RAPGEF5: variants seen among roughly 807,000 people sequenced by gnomAD.
RAPGEF5 encodes the protein Rap guanine nucleotide exchange factor 5, also known as M-Ras-regulated GEF.
RAPGEF5 carries 65 observed loss-of-function variants against 125.2 expected under a neutral mutation model. The observed-to-expected ratio is 0.52, with a 90% CI of 0.43 to 0.64. The LOEUF is 0.64. RAPGEF5 is among the 30% of genes least tolerant of loss of function. The pLI is 0.00. For synonymous variants in RAPGEF5, 391 were observed against 385.9 expected (o/e 1.01, Z -0.16); for missense variants, 958 against 1,048.1 (o/e 0.91, Z 1.19).
chr7:22,193,714 C>T (rs199550982), intron 10 of RAPGEF5: 3 of 1,553,138 alleles, frequency 1.9e-6, no homozygotes, highest in Non-Finnish European at 2.6e-6. Context: ...ATCTTGCCAT[C>T]CCTGTCCTTT....
chr7:22,350,332 C>T (rs1462375543), intron 1 of RAPGEF5, among the ~76,000 whole-genome samples: 1 of 152,210 alleles, frequency 6.6e-6, no homozygotes, highest in African/African-American at 2.4e-5. Context: ...AAAATACTCA[C>T]TATATGTTGG....
chr7:22,145,063 A>C lies in RAPGEF5; in HGVS notation c.2167T>G (p.Phe723Val). ...LGKRVQLVKK[F>V]IKIAAHCKAQ... ...ACTTACTGAGCCGCAATTTTGATGA[A>C]TTTTTTCACCAGCTGCACTCGCTTG... is the stretch of plus-strand genomic sequence containing the variant. The change falls in exon 20 of 26, where the codon TTC (phenylalanine) becomes GTC (valine). Residue 723 changes from phenylalanine to valine, a missense_variant. Physicochemically the swap from Phe to Val is conservative, Grantham distance 50 (BLOSUM62 -1). Coordinates refer to ENST00000665637, the MANE Select transcript of RAPGEF5 (RefSeq NM_012294.5). 6.2e-7 allele frequency: 1 copy of C among 1,613,164 alleles called. No individual in the cohort carries two copies. Among genetic ancestry groups the C allele is most frequent in the Non-Finnish European group, 8.5e-7 (1 of 1,179,418 alleles).
chr7:22,327,901 C>T (rs1204167962), intron 1 of RAPGEF5, among the ~76,000 whole-genome samples: 1 of 152,158 alleles, frequency 6.6e-6, no homozygotes, highest in Non-Finnish European at 1.5e-5. Context: ...AACAAGTTCC[C>T]AAAGGATCAA....
Position 22,162,503 on chromosome 7 carries a change from G to C in RAPGEF5, c.1322C>G (p.Ser441Ter). 6.2e-7 allele frequency: 1 copy of C among 1,609,736 alleles called. No individual in the cohort carries two copies. The highest frequency in any genetic ancestry group is 8.5e-7 in the Non-Finnish European group (1 of 1,176,172). The change falls in exon 13 of 26, where the codon TCA becomes TGA. Residue 441 changes from serine (S) to a stop codon, truncating the protein, a stop_gained. Transcript: ENST00000665637. LOFTEE classifies it high-confidence loss of function. Reference protein sequence around the residue: ...AKKYQGKEENSDVPRRKRKVL... With the variant: ...AKKYQGKEEN ...TTTACGTTTCCTACGCGGAACGTCT[G>C]AGTTTTCCTCTTTGCCTTGATACTT... is the stretch of plus-strand genomic sequence containing the variant.
chr7:22,242,253 A>G (rs192616233), intron 7 of RAPGEF5, among the ~76,000 whole-genome samples: 1 of 152,320 alleles, frequency 6.6e-6, no homozygotes, highest in East Asian at 1.9e-4. Context: ...GCACCTCTGG[A>G]AGTCAGCAGA....
chr7:22,350,091 C>T (rs4722130), intron 1 of RAPGEF5, among the ~76,000 whole-genome samples: 30,337 of 152,076 alleles, frequency 0.2, 3,141 homozygotes, highest in Admixed American at 0.24. Context: ...AAAAGTACTT[C>T]CAGATCATAT....
Position 22,193,601 on chromosome 7 carries a change from C to A in RAPGEF5, c.1116-146G>T, listed in dbSNP as rs1455046754. The A allele has an allele frequency of 1.9e-6, 3 of 1,550,950 alleles. No homozygotes were observed. In the African/African-American group the frequency reaches 4.1e-5, roughly 21 times the overall value. On this transcript the variant is annotated intron_variant, in intron 10 of 25. Transcript: ENST00000665637. Reference sequence around the variant, plus strand: ...AAGGGCAGCTCTCGGTCTGAGAGCGCCGCGGCGGAATCTTTCCTCTCCAAA... The same window carrying A: ...AAGGGCAGCTCTCGGTCTGAGAGCGACGCGGCGGAATCTTTCCTCTCCAAA...
At chr7:22,313,230 A>G (rs117887992) in intron 3 of RAPGEF5, among the ~76,000 whole-genome samples, 129 of 152,362 alleles carry the variant, frequency 8.5e-4, no homozygotes, top group Admixed American at 2.2e-3. Context: ...ATTCATAGTA[A>G]TGCTACAATA....
chr7:22,306,422 G>T (rs926814591), intron 5 of RAPGEF5, among the ~76,000 whole-genome samples: 1 of 152,054 alleles, frequency 6.6e-6, no homozygotes, highest in Non-Finnish European at 1.5e-5. Flanking sequence ...TGAATCATTA[G>T]ATTTTTTCCT....
At chr7:22,230,448 T>C (rs1174009897) in intron 8 of RAPGEF5, among the ~76,000 whole-genome samples, 5 of 152,168 alleles carry the variant, frequency 3.3e-5, no homozygotes, top group African/African-American at 4.8e-5. Context: ...TATGGTGCAA[T>C]AGTATTTGGA....
In RAPGEF5 at chr7:22,339,487, TTATTGCAGCAAAAGCTGCAATAAC is replaced by T. The variant is rs562051163; in HGVS notation, c.231+17319_231+17342del. ...CTACGAAGTTTTTGTTGGGGTTTTG[TTATTGCAGCAAAAGCTGCAATAAC>T]CATCCTGATGGACACATTAGAGTAA... On this transcript the variant is annotated intron_variant, in intron 1 of 25. Coordinates refer to ENST00000665637, the MANE Select transcript of RAPGEF5 (RefSeq NM_012294.5). Among the ~76,000 whole-genome samples the T allele has an allele frequency of 2.4e-4, 37 of 152,332 alleles. 3 individuals are homozygous for T. In the South Asian group the frequency reaches 7.2e-3, roughly 30 times the overall value.
intron 12 of RAPGEF5, among the ~76,000 whole-genome samples, chr7:22,165,997 T>C (rs1583436243): frequency 6.7e-6 from 1 of 149,216 alleles, no homozygotes; most frequent in South Asian, 2.1e-4. Context: ...GGTATGCCTA[T>C]ATATATATAC....
chr7:22,287,838 T>G (rs901997255), intron 6 of RAPGEF5, among the ~76,000 whole-genome samples: 6 of 152,212 alleles, frequency 3.9e-5, no homozygotes, highest in African/African-American at 1.4e-4. Context: ...ATTTTAGAAC[T>G]TGAAGGAACT....
intron 11 of RAPGEF5, among the ~76,000 whole-genome samples, chr7:22,179,161 AT>A (rs1324939075): frequency 6.6e-6 from 1 of 152,204 alleles, no homozygotes; most frequent in Non-Finnish European, 1.5e-5. Context: ...ATTATATACA[AT>A]TAGATACTAA....
chr7:22,205,528 A>G (rs1468535725), intron 9 of RAPGEF5, among the ~76,000 whole-genome samples: 1 of 152,238 alleles, frequency 6.6e-6, no homozygotes, highest in African/African-American at 2.4e-5. Flanking sequence ...CAAATAAAAT[A>G]TAGGCATGCT....
intron 7 of RAPGEF5, among the ~76,000 whole-genome samples, chr7:22,232,445 G>A (rs543887726): frequency 1.3e-3 from 204 of 151,512 alleles, no homozygotes; most frequent in African/African-American, 4.2e-3. Flanking sequence ...TTAGCCTCCC[G>A]AGTGGCTGGG....
chr7:22,258,846 C>T (rs910579371), intron 7 of RAPGEF5, among the ~76,000 whole-genome samples: 1 of 151,950 alleles, frequency 6.6e-6, no homozygotes, highest in African/African-American at 2.4e-5. Context: ...ACAGACATTA[C>T]ACCCTTGAAA....
At chr7:22,159,978 G>A (rs1294023994) in intron 14 of RAPGEF5, among the ~76,000 whole-genome samples, 5 of 151,942 alleles carry the variant, frequency 3.3e-5, no homozygotes, top group African/African-American at 7.3e-5. Context: ...GTGTGGTGGT[G>A]CACCTCTGTA....
intron 6 of RAPGEF5, among the ~76,000 whole-genome samples, chr7:22,288,105 C>T (rs1782840638): frequency 6.6e-6 from 1 of 152,184 alleles, no homozygotes; most frequent in Admixed American, 6.5e-5. Context: ...CCACAGTGAA[C>T]ACTTTGCTGC....
Sources: gnomAD v4.1 joint callset for allele counts (sites outside exome capture counted in the v4.1 genomes callset) on GRCh38, gnomAD v4.1.1 for gene constraint, MANE v1.5 for transcripts, NCBI Gene and HGNC (gene_info 2026-07-23, HGNC 2026-07-21) for gene names.